PDCD1LG2: variants seen among roughly 807,000 people sequenced by gnomAD.
PDCD1LG2 encodes the protein B7 dendritic cell molecule.
In PDCD1LG2, 32 loss-of-function variants were observed where a neutral mutation model predicts 28.2. The ratio of observed to expected loss-of-function variants is 1.13; its 90% confidence interval spans 0.86 to 1.52. The LOEUF (loss-of-function observed/expected upper bound fraction) is 1.52. Among genes scored for constraint, PDCD1LG2 ranks in the 40% most tolerant of loss-of-function variants. The pLI is 0.00. For missense variants in PDCD1LG2, 385 were observed against 323.8 expected, an observed-to-expected ratio of 1.19 and a Z score of -1.45; for synonymous variants, 116 against 120.2, an observed-to-expected ratio of 0.97 and a Z score of 0.23.
At chr9:5,514,333 C>T (rs542698199) in intron 1 of PDCD1LG2, among the ~76,000 whole-genome samples, 39 of 152,182 alleles carry the variant, frequency 2.6e-4, no homozygotes, top group African/African-American at 8.9e-4. Flanking sequence ...ATTTGTATTT[C>T]ATCTATCAGT....
chr9:5,515,185 T>C (rs1389061497), intron 1 of PDCD1LG2, among the ~76,000 whole-genome samples: 2 of 152,246 alleles, frequency 1.3e-5, no homozygotes, highest in Admixed American at 6.5e-5. Flanking sequence ...TGTTGATTTC[T>C]AGTTTCTAAC....
chr9:5,544,408 T>C (rs1020543439), intron 3 of PDCD1LG2, among the ~76,000 whole-genome samples: 1 of 152,156 alleles, frequency 6.6e-6, no homozygotes, highest in Non-Finnish European at 1.5e-5. Context: ...AAGAGATACA[T>C]CTTCTGCTGG....
chr9:5,543,352 A>T (rs1263881661), intron 3 of PDCD1LG2, among the ~76,000 whole-genome samples: 2 of 152,122 alleles, frequency 1.3e-5, no homozygotes, highest in African/African-American at 4.8e-5. Context: ...ATCCTGGCTA[A>T]CACGGTGAAA....
chr9:5,552,514 G>A (rs75386173), intron 4 of PDCD1LG2, among the ~76,000 whole-genome samples: 2,425 of 152,246 alleles, frequency 0.016, 66 homozygotes, highest in African/African-American at 0.055. Context: ...TGGTACAGAC[G>A]TAGAACATGC....
intron 4 of PDCD1LG2, among the ~76,000 whole-genome samples, chr9:5,554,937 A>C (rs562518604): frequency 6.6e-6 from 1 of 152,328 alleles, no homozygotes; most frequent in African/African-American, 2.4e-5. Context: ...TAGACAGTTT[A>C]TAGGGTTATA....
chr9:5,549,680 G>C, intron 4 of PDCD1LG2, 76 bp downstream of exon 4: 1 of 1,548,192 alleles, frequency 6.5e-7, no homozygotes, highest in Non-Finnish European at 8.8e-7. Flanking sequence ...CGAGTGATTT[G>C]AGGAGAGTGT....
intron 2 of PDCD1LG2, among the ~76,000 whole-genome samples, chr9:5,526,053 A>AAAG (rs1820372888): frequency 6.6e-6 from 1 of 151,776 alleles, no homozygotes; most frequent in Admixed American, 6.6e-5. Context: ...TCTCAAAAAA[A>AAAG]AAAAAAAAAA....
intron 6 of PDCD1LG2, among the ~76,000 whole-genome samples, chr9:5,564,230 C>A (rs938706862): frequency 2.6e-5 from 4 of 152,208 alleles, no homozygotes; most frequent in Non-Finnish European, 4.4e-5. Flanking sequence ...ACATGCCAAC[C>A]TAGATTGCAT....
At chr9:5,558,076 C>T (rs371580234) in intron 5 of PDCD1LG2, among the ~76,000 whole-genome samples, 56 of 152,274 alleles carry the variant, frequency 3.7e-4, no homozygotes, top group African/African-American at 1.1e-3. Context: ...CTACGTGCTC[C>T]GATTTTGCTG....
chr9:5,548,069 C>T (rs1323410245), intron 3 of PDCD1LG2, among the ~76,000 whole-genome samples: 1 of 151,520 alleles, frequency 6.6e-6, no homozygotes, highest in Non-Finnish European at 1.5e-5. Flanking sequence ...ATGCTTTTAG[C>T]AAATTTGAAT....
chr9:5,551,373 T>C (rs1192748670), intron 4 of PDCD1LG2, among the ~76,000 whole-genome samples: 5 of 152,280 alleles, frequency 3.3e-5, no homozygotes, highest in East Asian at 1.9e-4. Flanking sequence ...AGGTATTTAA[T>C]TGGCAACCCC....
At chr9:5,519,117 G>C (rs992633511) in intron 1 of PDCD1LG2, among the ~76,000 whole-genome samples, 1 of 152,176 alleles carries the variant, frequency 6.6e-6, no homozygotes, top group Non-Finnish European at 1.5e-5. Flanking sequence ...CTTTATTGTG[G>C]TTTCAACAGG....
chr9:5,557,761 G>C lies in PDCD1LG2; in HGVS notation c.766+9G>C. ...GCTGTATTCTTCAAAAGGTAAGTGA[G>C]TTTTATTCATGGTAACCCAATGCAC... On this transcript the variant is annotated intron_variant, in intron 5 of 6. Coordinates refer to ENST00000397747, the MANE Select transcript of PDCD1LG2 (RefSeq NM_025239.4). 1 of 1,613,790 alleles carries C rather than the reference G, an allele frequency of 6.2e-7. No individual in the cohort carries two copies. Among genetic ancestry groups the C allele is most frequent in the Non-Finnish European group, 8.5e-7 (1 of 1,179,742 alleles).
intron 2 of PDCD1LG2, 127 bp from the exon 3 acceptor site, chr9:5,534,617 CG>C (rs1183237953): frequency 2.6e-6 from 2 of 771,640 alleles, no homozygotes; most frequent in East Asian, 5.4e-5. Flanking sequence ...GGATTCGCCA[CG>C]GGAATGTCCA....
intron 1 of PDCD1LG2, among the ~76,000 whole-genome samples, chr9:5,511,945 G>GTACC (rs1404495901): frequency 8.5e-5 from 13 of 152,200 alleles, no homozygotes; most frequent in Non-Finnish European, 1.6e-4. Context: ...TAGGTGCTTA[G>GTACC]TGGGTGCTTG....
chr9:5,544,141 GAACAA>G (rs981418950), intron 3 of PDCD1LG2, among the ~76,000 whole-genome samples: 4 of 152,166 alleles, frequency 2.6e-5, no homozygotes, highest in African/African-American at 9.7e-5. Flanking sequence ...CAGACAGCCA[GAACAA>G]ACCAGGGAAA....
At chr9:5,555,464 T>C (rs903641943) in intron 4 of PDCD1LG2, among the ~76,000 whole-genome samples, 6 of 152,274 alleles carry the variant, frequency 3.9e-5, no homozygotes, top group Admixed American at 6.5e-5. Flanking sequence ...CAAAAGAGTA[T>C]GCAAGAATTT....
chr9:5,519,099 C>T (rs1199480474), intron 1 of PDCD1LG2, among the ~76,000 whole-genome samples: 1 of 151,970 alleles, frequency 6.6e-6, no homozygotes, highest in Non-Finnish European at 1.5e-5. Context: ...GTGGGGGGTG[C>T]GCAAGATCTT....
chr9:5,564,250 C>T (rs975040399), intron 6 of PDCD1LG2, among the ~76,000 whole-genome samples: 4 of 152,200 alleles, frequency 2.6e-5, no homozygotes, highest in African/African-American at 9.7e-5. Flanking sequence ...TGCAGACTAC[C>T]AGTTTTGGGT....
Sources: gnomAD v4.1 joint callset for allele counts (sites outside exome capture counted in the v4.1 genomes callset) on GRCh38, gnomAD v4.1.1 for gene constraint, MANE v1.5 for transcripts, NCBI Gene and HGNC (gene_info 2026-07-23, HGNC 2026-07-21) for gene names.